Variants in SART1 observed in about 807,000 individuals in gnomAD.
SART1 encodes the protein spliceosome associated factor 1, recruiter of U4/U6.U5 tri-snRNP.
SART1 carries 28 observed loss-of-function variants against 105.0 expected under a neutral mutation model. That is an observed-to-expected ratio of 0.27 (90% CI 0.20 to 0.37). SART1 has a LOEUF of 0.37. SART1 is among the 10% of genes least tolerant of loss of function. The pLI, the probability that SART1 is intolerant of heterozygous loss-of-function variation, is 1.00. For synonymous variants in SART1, 472 were observed against 462.9 expected (o/e 1.02, Z -0.25); for missense variants, 894 against 1,106.5 (o/e 0.81, Z 2.72).
chr11:65,976,640 G>C lies in SART1; in HGVS notation c.1747-16G>C. On this transcript the variant is annotated splice_polypyrimidine_tract_variant and intron_variant, in intron 13 of 19. Transcript: ENST00000312397. The surrounding 1 kb of genome is among the most constrained non-coding windows in gnomAD (Gnocchi z 5.1). ...CTGGCTGGGGCCTGGGCCGACCCTG[G>C]TCTTTTGTGCCCCAGGACTTTGAAC... 2 of 1,613,578 alleles carry C rather than the reference G, an allele frequency of 1.2e-6. No homozygotes were observed. The highest frequency in any genetic ancestry group is 8.5e-7 in the Non-Finnish European group (1 of 1,179,848).
rs139839037 is a variant in SART1, at chr11:65,967,525, T to C, written c.1368T>C (p.Pro456=). ...RVSEVEEEKE[P]VPQPLPSDDT... ...CCGAAGTGGAGGAGGAGAAGGAGCC[T>C]GTGCCTCAGCCCCTGCCGTCGGACG... Residue 456 remains proline (P), a synonymous_variant, in exon 11 of 20, where the codon CCT becomes CCC. Coordinates refer to ENST00000312397, the MANE Select transcript of SART1 (RefSeq NM_005146.5). 3 of 1,612,860 alleles carry C rather than the reference T, an allele frequency of 1.9e-6. No homozygotes were observed. The highest frequency in any genetic ancestry group is 1.7e-6 in the Non-Finnish European group (2 of 1,179,866).
chr11:65,964,470 C>A lies in SART1; in HGVS notation c.372-45C>A, dbSNP rs545599670. On this transcript the variant is annotated intron_variant, in intron 2 of 19. Coordinates refer to ENST00000312397, the MANE Select transcript of SART1 (RefSeq NM_005146.5). Reference sequence around the variant, plus strand: ...GTCTGTCTGGAAATGCACATGGCACCCTGTGTCTTTAATAGCCCCTAACAC... The same window carrying A: ...GTCTGTCTGGAAATGCACATGGCACACTGTGTCTTTAATAGCCCCTAACAC... 2.9e-5 allele frequency: 46 copies of A among 1,606,998 alleles called. No individual in the cohort carries two copies. In the East Asian group the frequency reaches 1.0e-3, roughly 35 times the overall value.
In SART1 at chr11:65,977,617, C is replaced by T. The variant is rs769226520; in HGVS notation, c.2000C>T (p.Ser667Leu). 8.1e-6 allele frequency: 13 copies of T among 1,613,874 alleles called. No homozygotes were observed. The highest frequency in any genetic ancestry group is 6.6e-5 in the South Asian group (6 of 91,090). Residue 667 changes from serine (S) to leucine (L), a missense_variant, in exon 16 of 20, where the codon TCG (serine) becomes TTG (leucine). By Grantham distance (145) the Ser-to-Leu change is moderately radical (BLOSUM62 -2). Around this residue, in one of 2 missense-constraint regions of SART1, gnomAD observed 182 missense variants for 328.3 expected, o/e 0.55. Coordinates refer to ENST00000312397, the MANE Select transcript of SART1 (RefSeq NM_005146.5). ...GCCCGGGTGAAGGCCCCCAACAAGTCGCTGCCCTCAGCCGTGTACTGCATC... is the reference window on the plus strand; with the variant it reads ...GCCCGGGTGAAGGCCCCCAACAAGTTGCTGCCCTCAGCCGTGTACTGCATC... ...KVARVKAPNK[S>L]LPSAVYCIED...
At chr11:65,964,844 G>A (rs895651251) in intron 3 of SART1, among the ~76,000 whole-genome samples, 6 of 152,214 alleles carry the variant, frequency 3.9e-5, no homozygotes, top group African/African-American at 9.7e-5. Context: ...TGCGCTGTGC[G>A]GGGGTGGGTT....
chr11:65,970,777 A>C lies in SART1; in HGVS notation c.1572+2956A>C, dbSNP rs2845576. Among the ~76,000 whole-genome samples the C allele has an allele frequency of 6.0e-5, 4 of 66,296 alleles. No homozygotes were observed. The Admixed American group carries it at 6.4e-4, about 11-fold the overall frequency. 43.5% of individuals were successfully genotyped at this position (66,296 alleles called of 152,430 possible). Reference sequence around the variant, plus strand: ...CATGAGCTGAGGAGGGGGATGGTGGAATTCATGAGCTGCTGAGGGAGGGGG... The same window carrying C: ...CATGAGCTGAGGAGGGGGATGGTGGCATTCATGAGCTGCTGAGGGAGGGGG... On this transcript the variant is annotated intron_variant, in intron 12 of 19. Coordinates refer to ENST00000312397, the MANE Select transcript of SART1 (RefSeq NM_005146.5).
chr11:65,966,609 G>T (rs1565313616), intron 9 of SART1, 53 bp downstream of exon 9: 3 of 1,434,730 alleles, frequency 2.1e-6, no homozygotes, highest in East Asian at 5.0e-5. Flanking sequence ...TCCCTCTGGG[G>T]CTCCTGCCCT....
chr11:65,966,682 T>C (rs1590635119), intron 9 of SART1, 126 bp downstream of exon 9: 1 of 1,153,762 alleles, frequency 8.7e-7, no homozygotes, highest in Non-Finnish European at 1.2e-6. Flanking sequence ...GCCTCGCGGG[T>C]GAGCACTAAA....
chr11:65,968,972 C>A (rs1171715187), intron 12 of SART1, among the ~76,000 whole-genome samples: 1 of 152,150 alleles, frequency 6.6e-6, no homozygotes. Flanking sequence ...TTAGCCCTAC[C>A]CCACACTTCT....
At position 65,977,657 on chromosome 11, in the gene SART1, AGT is replaced by A. The variant is rs1176471314; in HGVS notation, c.2036+8_2036+9del. The A allele has an allele frequency of 6.2e-7, 1 of 1,613,730 alleles. No homozygotes were observed. The highest frequency in any genetic ancestry group is 8.5e-7 in the Non-Finnish European group (1 of 1,179,948). On this transcript the variant is annotated splice_donor_5th_base_variant and intron_variant, in intron 16 of 19. Coordinates refer to ENST00000312397, the MANE Select transcript of SART1 (RefSeq NM_005146.5). ...TGTACTGCATCGAGGATAAGATGTG[AGT>A]GTGGTGGGGCCTGTGCAGGGCTGAG...
At chr11:65,974,912 C>T (rs1855452235) in intron 12 of SART1, among the ~76,000 whole-genome samples, 1 of 151,334 alleles carries the variant, frequency 6.6e-6, no homozygotes, top group Admixed American at 6.6e-5. Flanking sequence ...TGGTGGCGGG[C>T]GCCTGTAGTC....
chr11:65,967,424 G>C (rs1292304463), intron 10 of SART1, 41 bp downstream of exon 10: 2 of 1,613,754 alleles, frequency 1.2e-6, no homozygotes, highest in Admixed American at 3.3e-5. Context: ...GGCTGGGCTG[G>C]GGTGGCCTGG....
intron 10 of SART1, 41 bp from the exon 11 acceptor site, chr11:65,967,430 C>T: frequency 1.2e-6 from 2 of 1,613,588 alleles, no homozygotes; most frequent in Middle Eastern, 3.3e-4. Context: ...GCTGGGGTGG[C>T]CTGGGGACCG....
In SART1 at chr11:65,964,557, T is replaced by A. The variant is rs1181484392; in HGVS notation, c.414T>A (p.Asn138Lys). The change falls in exon 3 of 20, where the codon AAT (asparagine) becomes AAA (lysine). Residue 138 changes from asparagine (N) to lysine (K), a missense_variant. This residue lies in a region of SART1 where 712 missense variants were observed against 778.2 expected (regional missense o/e 0.91). Coordinates refer to ENST00000312397, the MANE Select transcript of SART1 (RefSeq NM_005146.5). ...TGGGGCTGAAACCCTTGGAGGTTAA[T>A]GCCATCAAGAAGGGTGAGTATGGGG... ...AKLGLKPLEV[N>K]AIKKEAGTKE... 6.2e-7 allele frequency: 1 copy of A among 1,611,112 alleles called. No individual in the cohort carries two copies. Among genetic ancestry groups the A allele is most frequent in the East Asian group, 2.2e-5 (1 of 44,866 alleles).
intron 1 of SART1, among the ~76,000 whole-genome samples, chr11:65,963,105 T>C (rs1590631703): frequency 6.6e-6 from 1 of 152,034 alleles, no homozygotes; most frequent in East Asian, 1.9e-4. Flanking sequence ...GTGAAGCCCC[T>C]GAAAGACTGT....
In SART1 at chr11:65,978,306, G is replaced by GCTC. The variant is rs1565319117; in HGVS notation, c.2173-293_2173-292insTCC. Reference sequence around the variant, plus strand: ...CTTGCTCTCTGGGGTTTGTCTCCCTGCAGCCCCAGCCCCAGCCCCAGCGTC... The same window carrying GCTC: ...CTTGCTCTCTGGGGTTTGTCTCCCTGCTCCAGCCCCAGCCCCAGCCCCAGCGTC... On this transcript the variant is annotated intron_variant, in intron 17 of 19. Transcript: ENST00000312397. This position sits in a 1 kb window ranked among gnomAD's most constrained non-coding sequence, Gnocchi z 6.8. 2.6e-5 allele frequency among the ~76,000 whole-genome samples: 4 copies of GCTC among 151,988 alleles called. No individual in the cohort carries two copies. Among genetic ancestry groups the GCTC allele is most frequent in the African/African-American group, 9.7e-5 (4 of 41,396 alleles).
intron 12 of SART1, among the ~76,000 whole-genome samples, chr11:65,972,787 A>G (rs1167814927): frequency 7.0e-6 from 1 of 143,236 alleles, no homozygotes; most frequent in East Asian, 2.0e-4. Context: ...TCCTGTCTCA[A>G]AAAAAAAAAA....
intron 12 of SART1, among the ~76,000 whole-genome samples, chr11:65,973,129 G>A (rs566860856): frequency 5.7e-4 from 87 of 151,902 alleles, no homozygotes; most frequent in African/African-American, 1.4e-3. Flanking sequence ...AGCCGAGATC[G>A]CACCACTGCA....
chr11:65,972,150 C>G (rs952996996), intron 12 of SART1, among the ~76,000 whole-genome samples: 1 of 152,078 alleles, frequency 6.6e-6, no homozygotes, highest in Non-Finnish European at 1.5e-5. Flanking sequence ...AGGTTAAATG[C>G]AACTCCAGTA....
At chr11:65,965,591 C>T in intron 5 of SART1, 111 bp from the exon 6 acceptor site, 1 of 1,327,662 alleles carries the variant, frequency 7.5e-7, no homozygotes, top group Non-Finnish European at 1.0e-6. Context: ...GGATTCTCAG[C>T]AGCTTTCCTG....
Sources: allele counts gnomAD v4.1 joint callset (sites outside exome capture counted in the v4.1 genomes callset), GRCh38; gene constraint gnomAD v4.1.1; regional missense constraint gnomAD v4.1.1; non-coding constraint Gnocchi (gnomAD v3.1); transcripts MANE v1.5; gene names NCBI Gene and HGNC (gene_info 2026-07-23, HGNC 2026-07-21).